WNT16: variants seen among roughly 807,000 people sequenced by gnomAD.
WNT16 encodes the protein Wnt family member 16, also known as protein Wnt-16.
A neutral mutation model predicts 35.4 loss-of-function variants in WNT16; 20 were observed. The observed-to-expected ratio is 0.56, with a 90% confidence interval of 0.40 to 0.82. The LOEUF (loss-of-function observed/expected upper bound fraction) is 0.82, where lower values mean the gene tolerates loss of function less well. WNT16 is among the 40% of genes least tolerant of loss of function. The pLI is 0.00. For missense variants in WNT16, 461 were observed against 466.0 expected, an observed-to-expected ratio of 0.99 and a Z score of 0.10; for synonymous variants, 180 against 179.2, an observed-to-expected ratio of 1.00 and a Z score of -0.03.
upstream of WNT16, among the ~76,000 whole-genome samples, chr7:121,326,154 G>A (rs969029837): frequency 3.3e-5 from 5 of 151,326 alleles, no homozygotes; most frequent in South Asian, 1.0e-3. Flanking sequence ...TGTAAAGTGA[G>A]TATCAATTTT....
At position 121,339,471 on chromosome 7, in the gene WNT16, C is replaced by CCTTT. The variant is rs3832519; in HGVS notation, c.*128_*129insTTCT. The CCTTT allele has an allele frequency of 1.2e-6, 1 of 804,088 alleles. No homozygotes were observed. The highest frequency in any genetic ancestry group is 1.8e-5 in the African/African-American group (1 of 57,006). The allele number at this position is 804,088 out of a possible 1,614,324, so 49.8% of individuals were successfully genotyped here. ...GCAGTGGAATCCCTAGAACCTTGGA[C>CCTTT]CTGAGAGTTTCCCTTACCTGATCGA... On this transcript the variant is annotated 3_prime_UTR_variant, in exon 4 of 4. Coordinates refer to ENST00000222462, the MANE Select transcript of WNT16 (RefSeq NM_057168.2).
rs1793502235 is a variant in WNT16 at position 121,339,699 on chromosome 7, A to G, written c.*354A>G. 2.4e-6 allele frequency: 1 copy of G among 414,078 alleles called. No individual in the cohort carries two copies. The highest frequency in any genetic ancestry group is 4.3e-6 in the Non-Finnish European group (1 of 233,252). The allele number at this position is 414,078 out of a possible 1,614,324, so 25.7% of individuals were successfully genotyped here. A position where few individuals can be genotyped will look rare whatever the true frequency, so the allele number is the denominator to read the frequency against. ...CATACTCAGGATAAGATCCTTGAAT[A>G]TGGAACTTAGTTACAGGACTCAATA... On this transcript the variant is annotated 3_prime_UTR_variant, in exon 4 of 4. Coordinates refer to ENST00000222462, the MANE Select transcript of WNT16 (RefSeq NM_057168.2).
chr7:121,338,857 G>A (rs1329226523), intron 3 of WNT16, 24 bp from the exon 4 acceptor site: 1 of 1,594,270 alleles, frequency 6.3e-7, no homozygotes, highest in African/African-American at 1.4e-5. Flanking sequence ...ATTGATAGTT[G>A]AACACAATTA....
chr7:121,328,936 C>G (rs2043488454), upstream of WNT16: 1 of 759,880 alleles, frequency 1.3e-6, no homozygotes, highest in Non-Finnish European at 1.6e-6. Flanking sequence ...CAATCAGGCT[C>G]CAGGCGCGGC....
chr7:121,332,491 A>G (rs1479353757), intron 3 of WNT16, among the ~76,000 whole-genome samples: 1 of 152,192 alleles, frequency 6.6e-6, no homozygotes, highest in African/African-American at 2.4e-5. Flanking sequence ...AATAGGGTCT[A>G]CAGTATCTGC....
In WNT16 at chr7:121,329,016, C is replaced by G. The variant is rs536268285; in HGVS notation, c.-277C>G. 2 of 1,205,516 alleles carry G rather than the reference C, an allele frequency of 1.7e-6. No individual in the cohort carries two copies. Among genetic ancestry groups the G allele is most frequent in the Non-Finnish European group, 2.1e-6 (2 of 968,708 alleles). The allele number at this position is 1,205,516 out of a possible 1,614,324, so 74.7% of individuals were successfully genotyped here. A position where few individuals can be genotyped will look rare whatever the true frequency, so the allele number is the denominator to read the frequency against. ...GGATACATCAACAGAAGTTTCTCAC[C>G]TAGGAATGCGAGGGGCGCTCCCGCA... On this transcript the variant is annotated 5_prime_UTR_variant, in exon 1 of 4. Transcript: ENST00000222462.
intron 3 of WNT16, among the ~76,000 whole-genome samples, chr7:121,333,042 T>C (rs1331672454): frequency 1.3e-5 from 2 of 152,068 alleles, no homozygotes; most frequent in Non-Finnish European, 2.9e-5. Context: ...TTTATATGAA[T>C]ATATATTTTC....
rs2116832125 is a variant in WNT16, at chr7:121,329,932, A to G, written c.346+115A>G. On this transcript the variant is annotated intron_variant, in intron 2 of 3. Coordinates refer to ENST00000222462, the MANE Select transcript of WNT16 (RefSeq NM_057168.2). ...GTCCTGTAGCTCTCTAAGTTCCAGA[A>G]GAAGCCCTTTAGTGCACGGGGATTG... is the stretch of plus-strand genomic sequence containing the variant. 2.7e-6 allele frequency: 4 copies of G among 1,458,102 alleles called. No individual in the cohort carries two copies. The South Asian group carries it at 5.5e-5, about 20-fold the overall frequency. 90.3% of individuals were successfully genotyped at this position (1,458,102 alleles called of 1,614,324 possible). A position where few individuals can be genotyped will look rare whatever the true frequency, so the allele number is the denominator to read the frequency against.
At position 121,329,001 on chromosome 7, in the gene WNT16, A is replaced by G. The variant is rs1416445684; in HGVS notation, c.-292A>G. The G allele has an allele frequency of 2.6e-6, 3 of 1,170,200 alleles. No individual in the cohort carries two copies. The highest frequency in any genetic ancestry group is 4.1e-5 in the Admixed American group (1 of 24,140). 72.5% of individuals were successfully genotyped at this position (1,170,200 alleles called of 1,614,324 possible). A position where few individuals can be genotyped will look rare whatever the true frequency, so the allele number is the denominator to read the frequency against. ...GGGCGATGGAGACGCGGATACATCA[A>G]CAGAAGTTTCTCACCTAGGAATGCG... is the stretch of plus-strand genomic sequence containing the variant. On this transcript the variant is annotated 5_prime_UTR_variant, in exon 1 of 4. Transcript: ENST00000222462.
chr7:121,330,714 GAAAA>G (rs11371537), intron 2 of WNT16, among the ~76,000 whole-genome samples: 3 of 88,186 alleles, frequency 3.4e-5, no homozygotes, highest in African/African-American at 9.3e-5. Flanking sequence ...CCCGTAGAGA[GAAAA>G]AAAAAAAAAA....
chr7:121,329,870 C>T, intron 2 of WNT16, 53 bp downstream of exon 2: 3 of 1,580,248 alleles, frequency 1.9e-6, no homozygotes, highest in Non-Finnish European at 2.6e-6. Context: ...ACAACTCCTC[C>T]ACCGGTTCCT....
Position 121,339,457 on chromosome 7 carries a change from C to A in WNT16, c.*112C>A. The A allele has an allele frequency of 1.0e-6, 1 of 984,496 alleles. No individual in the cohort carries two copies. Among genetic ancestry groups the A allele is most frequent in the Non-Finnish European group, 1.5e-6 (1 of 686,024 alleles). 61.0% of individuals were successfully genotyped at this position (984,496 alleles called of 1,614,324 possible). A position where few individuals can be genotyped will look rare whatever the true frequency, so the allele number is the denominator to read the frequency against. On this transcript the variant is annotated 3_prime_UTR_variant, in exon 4 of 4. Transcript: ENST00000222462. ...TAAAGTTGACTCTTGCAGTGGAATC[C>A]CTAGAACCTTGGACCTGAGAGTTTC...
At chr7:121,336,881 G>C (rs1482014139) in intron 3 of WNT16, among the ~76,000 whole-genome samples, 1 of 152,174 alleles carries the variant, frequency 6.6e-6, no homozygotes, top group African/African-American at 2.4e-5. Flanking sequence ...AAGTCACTAA[G>C]TGATGACTGT....
upstream of WNT16, among the ~76,000 whole-genome samples, chr7:121,328,619 A>G (rs1443978354): frequency 2.0e-5 from 3 of 152,204 alleles, no homozygotes; most frequent in Non-Finnish European, 4.4e-5. Context: ...GAAGAAAAAA[A>G]GGTCAGTGAC....
In WNT16 at chr7:121,329,643, G is replaced by A; in HGVS notation, c.172G>A (p.Glu58Lys). 6.2e-7 allele frequency: 1 copy of A among 1,614,200 alleles called. No homozygotes were observed. The highest frequency in any genetic ancestry group is 8.5e-7 in the Non-Finnish European group (1 of 1,180,018). ...ANLPLNSRQK[E>K]LCKRKPYLLP... Reference sequence around the variant, plus strand: ...TTTGCCGCTGAACAGCCGCCAGAAGGAGCTGTGCAAGAGGAAACCGTACCT... The same window carrying A: ...TTTGCCGCTGAACAGCCGCCAGAAGAAGCTGTGCAAGAGGAAACCGTACCT... Residue 58 changes from glutamate to lysine, a missense_variant, in exon 2 of 4, where the codon GAG becomes AAG. Transcript: ENST00000222462.
intron 3 of WNT16, among the ~76,000 whole-genome samples, chr7:121,336,427 GGC>G (rs1187813873): frequency 6.6e-6 from 1 of 151,828 alleles, no homozygotes; most frequent in East Asian, 1.9e-4. Flanking sequence ...TATTCAAAAG[GGC>G]TAATTTTCTA....
intron 2 of WNT16, among the ~76,000 whole-genome samples, chr7:121,330,082 A>G (rs994247577): frequency 2.6e-5 from 4 of 152,050 alleles, no homozygotes; most frequent in African/African-American, 9.7e-5. Context: ...CCAGAGTTGG[A>G]AAAAAAACTC....
At position 121,329,595 on chromosome 7, in the gene WNT16, C is replaced by T. The variant is rs1793304088; in HGVS notation, c.124C>T (p.Pro42Ser). Reference sequence around the variant, plus strand: ...GTTGGGCATTGCCTCCTTCGGGGTTCCAGAGAAGCTGGGCTGCGCCAATTT... The same window carrying T: ...GTTGGGCATTGCCTCCTTCGGGGTTTCAGAGAAGCTGGGCTGCGCCAATTT... ...MWLGIASFGV[P>S]EKLGCANLPL... Residue 42 changes from proline (P) to serine (S), a missense_variant, in exon 2 of 4, where the codon CCA (proline) becomes TCA (serine). Physicochemically the swap from Pro to Ser is moderately conservative, Grantham distance 74. Transcript: ENST00000222462. 6.2e-7 allele frequency: 1 copy of T among 1,614,212 alleles called. No homozygotes were observed. Among genetic ancestry groups the T allele is most frequent in the South Asian group, 1.1e-5 (1 of 91,078 alleles).
At chr7:121,325,485 G>A (rs750459300), upstream of WNT16, 1 of 1,611,248 alleles carries the variant, frequency 6.2e-7, no homozygotes, top group South Asian at 1.1e-5. Flanking sequence ...CCTATGGTGG[G>A]TTTTGTTTAT....
Sources: allele counts gnomAD v4.1 joint callset (sites outside exome capture counted in the v4.1 genomes callset), GRCh38; gene constraint gnomAD v4.1.1; transcripts MANE v1.5; gene names NCBI Gene and HGNC (gene_info 2026-07-23, HGNC 2026-07-21).